The following GPR39 variants were observed in gnomAD, a reference collection of about 807,000 sequenced individuals.
The protein encoded by GPR39 is G protein-coupled receptor 39, also known as zinc sensing receptor.
Under a neutral mutation model 18.4 loss-of-function variants are expected in GPR39, and 23 were observed. The observed-to-expected ratio is 1.25, with a 90% CI of 0.90 to 1.77. GPR39 has a LOEUF of 1.77. Ranked by LOEUF, GPR39 falls within the 40% of genes most tolerant of loss-of-function variation. The pLI is 0.00. For synonymous variants in GPR39, 280 were observed against 257.9 expected, an observed-to-expected ratio of 1.09 and a Z score of -0.82; for missense variants, 647 against 602.4, an observed-to-expected ratio of 1.07 and a Z score of -0.78.
intron 1 of GPR39, among the ~76,000 whole-genome samples, chr2:132,474,791 C>T (rs1315701772): frequency 2.0e-5 from 3 of 152,164 alleles, no homozygotes; most frequent in African/African-American, 7.2e-5. Flanking sequence ...TTAAGGATCT[C>T]GGTTCCATGG....
chr2:132,615,374 T>A (rs1030556178), intron 1 of GPR39, among the ~76,000 whole-genome samples: 5 of 152,178 alleles, frequency 3.3e-5, no homozygotes, highest in Non-Finnish European at 7.3e-5. Context: ...CGCTTTGGTG[T>A]TAACCTTCAC....
chr2:132,614,050 C>T (rs183904472), intron 1 of GPR39, among the ~76,000 whole-genome samples: 13 of 152,312 alleles, frequency 8.5e-5, no homozygotes, highest in Admixed American at 3.9e-4. Flanking sequence ...TTACCATATA[C>T]GCCTAAAGCC....
chr2:132,577,855 G>T (rs1276167045), intron 1 of GPR39, among the ~76,000 whole-genome samples: 1 of 151,902 alleles, frequency 6.6e-6, no homozygotes, highest in East Asian at 1.9e-4. Flanking sequence ...TTTTCAATCC[G>T]TATGCCTTTT....
chr2:132,509,101 G>A (rs960494770), intron 1 of GPR39, among the ~76,000 whole-genome samples: 6 of 152,144 alleles, frequency 3.9e-5, no homozygotes, highest in Non-Finnish European at 8.8e-5. Context: ...AAGTGTTTCT[G>A]GAAGCTTTAC....
intron 1 of GPR39, among the ~76,000 whole-genome samples, chr2:132,574,096 A>T (rs1256779377): frequency 6.6e-6 from 1 of 152,224 alleles, no homozygotes; most frequent in Non-Finnish European, 1.5e-5. Flanking sequence ...TGTCTGTATA[A>T]TTCAGGGAAA....
At chr2:132,529,258 A>G (rs1679567187) in intron 1 of GPR39, among the ~76,000 whole-genome samples, 1 of 152,220 alleles carries the variant, frequency 6.6e-6, no homozygotes, top group Non-Finnish European at 1.5e-5. Context: ...GCTCATTGCT[A>G]GCACAGCAGT....
intron 1 of GPR39, among the ~76,000 whole-genome samples, chr2:132,493,523 T>TACATACACC (rs1558815513): frequency 2.2e-5 from 3 of 139,388 alleles, no homozygotes; most frequent in African/African-American, 8.7e-5. Flanking sequence ...TATATATATA[T>TACATACACC]ATATACACAC....
intron 1 of GPR39, among the ~76,000 whole-genome samples, chr2:132,431,132 C>T (rs1680218646): frequency 6.6e-6 from 1 of 152,186 alleles, no homozygotes; most frequent in Admixed American, 6.5e-5. Flanking sequence ...TCACCTAGGT[C>T]ACTCACTGAC....
intron 1 of GPR39, among the ~76,000 whole-genome samples, chr2:132,608,475 C>G (rs916303315): frequency 6.6e-6 from 1 of 152,196 alleles, no homozygotes; most frequent in Admixed American, 6.5e-5. Flanking sequence ...CCCACTGTTT[C>G]CTTTTTGACT....
intron 1 of GPR39, among the ~76,000 whole-genome samples, chr2:132,435,538 T>C (rs1167229087): frequency 6.6e-6 from 1 of 152,210 alleles, no homozygotes; most frequent in Admixed American, 6.5e-5. Flanking sequence ...GTTAAGTCTT[T>C]GGGGAGTCCA....
chr2:132,524,604 A>G (rs1365442281), intron 1 of GPR39, among the ~76,000 whole-genome samples: 1 of 152,212 alleles, frequency 6.6e-6, no homozygotes. Context: ...TGATGCTGTC[A>G]GCATCTTTGT....
chr2:132,463,533 G>A (rs919864011), intron 1 of GPR39, among the ~76,000 whole-genome samples: 12 of 151,166 alleles, frequency 7.9e-5, no homozygotes, highest in African/African-American at 2.9e-4. Context: ...TTTATGCATC[G>A]ATTTTGGTCT....
intron 1 of GPR39, among the ~76,000 whole-genome samples, chr2:132,625,597 A>G (rs1024960650): frequency 7.2e-5 from 11 of 152,144 alleles, no homozygotes; most frequent in African/African-American, 2.2e-4. Context: ...GGGAAATGCC[A>G]TGTTTTCAGT....
intron 1 of GPR39, among the ~76,000 whole-genome samples, chr2:132,568,861 G>C (rs1173970218): frequency 6.6e-6 from 1 of 152,068 alleles, no homozygotes; most frequent in Admixed American, 6.5e-5. Context: ...CTCTAAAGCT[G>C]TTCACTCATC....
chr2:132,426,423 G>A (rs6721950), intron 1 of GPR39, among the ~76,000 whole-genome samples: 65,109 of 152,046 alleles, frequency 0.43, 15,898 homozygotes, highest in African/African-American at 0.68. Context: ...GCTCTATTTC[G>A]TCATAGCCTG....
rs371252988 is a variant in GPR39 at position 132,620,056 on chromosome 2, C to A, written c.857-25045C>A. Among the ~76,000 whole-genome samples, 4 of 152,296 alleles carry A rather than the reference C, an allele frequency of 2.6e-5. 1 individual carries two copies. Among genetic ancestry groups the A allele is most frequent in the East Asian group, 1.9e-4 (1 of 5,176 alleles). ...TCAACTCCTTAGCGGGGCTTTCAAG[C>A]CTTTATTGATGTGGTCCAAGTCCCC... On this transcript the variant is annotated intron_variant, in intron 1 of 1. Coordinates refer to ENST00000329321, the MANE Select transcript of GPR39 (RefSeq NM_001508.3).
intron 1 of GPR39, among the ~76,000 whole-genome samples, chr2:132,525,965 G>A (rs12472259): frequency 0.13 from 19,725 of 152,130 alleles, 2,116 homozygotes; most frequent in East Asian, 0.58. Flanking sequence ...AACCTCCTTC[G>A]TGACATCATG....
In GPR39 at chr2:132,611,545, T is replaced by C. The variant is rs1573697434; in HGVS notation, c.857-33556T>C. Among the ~76,000 whole-genome samples, 4 of 152,160 alleles carry C rather than the reference T, an allele frequency of 2.6e-5. 1 individual carries two copies. The South Asian group carries it at 8.3e-4, about 31-fold the overall frequency. On this transcript the variant is annotated intron_variant, in intron 1 of 1. Transcript: ENST00000329321. ...TTTCAGCTTGGTTCAATTAAGCATG[T>C]CCATTGCTTGTGGTTGTTATGACCA...
At chr2:132,547,778 A>G (rs568716904) in intron 1 of GPR39, among the ~76,000 whole-genome samples, 72 of 152,234 alleles carry the variant, frequency 4.7e-4, no homozygotes, top group Non-Finnish European at 9.3e-4. Context: ...CTCCAAAAAT[A>G]TAAATAAAGA....
Sources: allele counts gnomAD v4.1 joint callset (sites outside exome capture counted in the v4.1 genomes callset), GRCh38; gene constraint gnomAD v4.1.1; transcripts MANE v1.5; gene names NCBI Gene and HGNC (gene_info 2026-07-23, HGNC 2026-07-21).